Variants in SNAP29 observed in about 807,000 individuals in gnomAD.
SNAP29 encodes synaptosomal-associated protein 29.
In SNAP29, 13 loss-of-function variants were observed where a neutral mutation model predicts 27.9. The observed-to-expected ratio is 0.47, with a 90% confidence interval of 0.30 to 0.74. SNAP29 has a LOEUF of 0.74. Ranked by LOEUF, SNAP29 falls within the 30% of genes least tolerant of loss-of-function variation. The pLI is 0.06. For missense variants in SNAP29, 368 were observed against 336.5 expected (o/e 1.09, Z -0.73); for synonymous variants, 119 against 127.1 (o/e 0.94, Z 0.43).
chr22:20,862,777 AT>A (rs1404968453), intron 1 of SNAP29, among the ~76,000 whole-genome samples: 10 of 152,086 alleles, frequency 6.6e-5, no homozygotes, highest in African/African-American at 2.4e-4. Flanking sequence ...ACATGTTGGA[AT>A]TTTCCAGGAT....
At chr22:20,882,968 C>T (rs898732111) in intron 3 of SNAP29, among the ~76,000 whole-genome samples, 27 of 148,346 alleles carry the variant, frequency 1.8e-4, no homozygotes, top group African/African-American at 6.5e-4. Flanking sequence ...AGGAAGATTT[C>T]TTGTGGCAAA....
chr22:20,865,373 G>A (rs1207733711), intron 1 of SNAP29, among the ~76,000 whole-genome samples: 1 of 151,880 alleles, frequency 6.6e-6, no homozygotes, highest in Non-Finnish European at 1.5e-5. Context: ...AAAAGAATTA[G>A]ACCATTGATC....
rs1272914266 is a variant in SNAP29 at position 20,859,094 on chromosome 22, A to G, written c.-17A>G. The G allele has an allele frequency of 1.3e-6, 2 of 1,583,728 alleles. No individual in the cohort carries two copies. Among genetic ancestry groups the G allele is most frequent in the South Asian group, 1.1e-5 (1 of 88,920 alleles). ...GCTCCTCCTTCTGTTTCCCAGACCG[A>G]GAGCCGCGCCGGCACCATGTCAGCT... On this transcript the variant is annotated 5_prime_UTR_variant, in exon 1 of 5. Coordinates refer to ENST00000215730, the MANE Select transcript of SNAP29 (RefSeq NM_004782.4).
At chr22:20,874,412 A>G (rs990928807) in intron 2 of SNAP29, among the ~76,000 whole-genome samples, 3 of 147,720 alleles carry the variant, frequency 2.0e-5, no homozygotes, top group Non-Finnish European at 4.5e-5. Flanking sequence ...TTAGCCGGAC[A>G]TGGTGGTACG....
At chr22:20,878,939 C>T (rs1179734891) in intron 2 of SNAP29, among the ~76,000 whole-genome samples, 2 of 152,124 alleles carry the variant, frequency 1.3e-5, no homozygotes, top group African/African-American at 4.8e-5. Context: ...GGAGCAAAAT[C>T]AAAGATATTT....
In SNAP29 at chr22:20,878,571, A is replaced by AT. The variant is rs552754605; in HGVS notation, c.435-2477dup. ...CCAGCCTGGGTGACAGAGCGAGACT[A>AT]TGTCTCAAAAAAAAAAGGCAAGGCA... is the stretch of plus-strand genomic sequence containing the variant. On this transcript the variant is annotated intron_variant, in intron 2 of 4. Coordinates refer to ENST00000215730, the MANE Select transcript of SNAP29 (RefSeq NM_004782.4). Among the ~76,000 whole-genome samples the AT allele has an allele frequency of 9.9e-5, 15 of 151,448 alleles. No individual in the cohort carries two copies. In the South Asian group the frequency reaches 2.7e-3, roughly 27 times the overall value.
chr22:20,864,330 T>G (rs955616766), intron 1 of SNAP29, among the ~76,000 whole-genome samples: 1 of 152,152 alleles, frequency 6.6e-6, no homozygotes, highest in Non-Finnish European at 1.5e-5. Context: ...CACCGTCTCG[T>G]GCAGGGGCCC....
At chr22:20,872,820 CTTTTT>C (rs361677) in intron 2 of SNAP29, among the ~76,000 whole-genome samples, 48 of 39,868 alleles carry the variant, frequency 1.2e-3, no homozygotes, top group Non-Finnish European at 2.6e-4. Flanking sequence ...CCACGCCAGG[CTTTTT>C]TTTTTTTTTT....
At chr22:20,887,566 T>A (rs165877) in intron 4 of SNAP29, 113 bp from the exon 5 acceptor site, 1 of 1,098,052 alleles carries the variant, frequency 9.1e-7, no homozygotes. Context: ...GTGGGTGCAG[T>A]CCCCCCAGGC....
rs368158726 is a variant in SNAP29 at position 20,859,343 on chromosome 22, C to T, written c.233C>T (p.Ser78Phe). Residue 78 changes from serine (S) to phenylalanine (F), a missense_variant, in exon 1 of 5, where the codon TCC becomes TTC. Transcript: ENST00000215730. The stretch of plus-strand genomic sequence containing the variant: ...TCCGAGAAGGTTGGGGTCGCCTCTT[C>T]CGAGGTGAGCCTGGGGCAGGGCTGG... The part of the protein sequence containing the change: ...YESEKVGVAS[S>F]EELARQRGVL... 9 of 1,605,944 alleles carry T rather than the reference C, an allele frequency of 5.6e-6. No individual in the cohort carries two copies. Among genetic ancestry groups the T allele is most frequent in the South Asian group, 1.1e-5 (1 of 90,922 alleles).
intron 1 of SNAP29, among the ~76,000 whole-genome samples, chr22:20,866,100 C>T (rs568992749): frequency 7.9e-5 from 12 of 152,212 alleles, no homozygotes; most frequent in Non-Finnish European, 1.5e-4. Context: ...AGGCTAGGGC[C>T]ACACCTCTCT....
At chr22:20,885,912 T>C (rs1303291470) in intron 4 of SNAP29, among the ~76,000 whole-genome samples, 1 of 152,120 alleles carries the variant, frequency 6.6e-6, no homozygotes, top group Non-Finnish European at 1.5e-5. Context: ...TCAGGCAAGC[T>C]CTCTGGACTC....
At chr22:20,879,616 CG>C (rs1325719065) in intron 2 of SNAP29, among the ~76,000 whole-genome samples, 1 of 151,660 alleles carries the variant, frequency 6.6e-6, no homozygotes, top group African/African-American at 2.4e-5. Context: ...GAGGCTAAGG[CG>C]GGCGGATCAC....
Position 20,859,053 on chromosome 22 carries a change from C to A in SNAP29, c.-58C>A, listed in dbSNP as rs552560669. On this transcript the variant is annotated 5_prime_UTR_variant, in exon 1 of 5. Transcript: ENST00000215730. ...TCGGCGGGCGGGGCGAGGCCCTGGA[C>A]GGCGGCGGCAGTGGGGCTCCTCCTT... is the stretch of plus-strand genomic sequence containing the variant. 7.3e-5 allele frequency: 106 copies of A among 1,453,238 alleles called. No individual in the cohort carries two copies. The African/African-American group carries it at 1.2e-3, about 17-fold the overall frequency. The allele number at this position is 1,453,238 out of a possible 1,614,324, so 90.0% of individuals were successfully genotyped here.
chr22:20,887,402 T>TA (rs1444148201), intron 4 of SNAP29, among the ~76,000 whole-genome samples: 1 of 151,786 alleles, frequency 6.6e-6, no homozygotes, highest in Non-Finnish European at 1.5e-5. Context: ...CTGTTCCTAG[T>TA]AAAAAGGCAG....
intron 2 of SNAP29, among the ~76,000 whole-genome samples, chr22:20,873,253 C>T (rs1928640855): frequency 1.3e-5 from 2 of 151,986 alleles, no homozygotes; most frequent in African/African-American, 4.8e-5. Flanking sequence ...TCAAGCAGTC[C>T]TCCCACCTCG....
rs937926697 is a variant in SNAP29, at chr22:20,877,140, T to G, written c.435-3909T>G. On this transcript the variant is annotated intron_variant, in intron 2 of 4. Transcript: ENST00000215730. Reference sequence around the variant, plus strand: ...TCAGTCTCCCTAGAAATTGGCTTTCTTGGCTGAGCGTGGTGGCTCACGCCT... The same window carrying G: ...TCAGTCTCCCTAGAAATTGGCTTTCGTGGCTGAGCGTGGTGGCTCACGCCT... Among the ~76,000 whole-genome samples, 3 of 152,220 alleles carry G rather than the reference T, an allele frequency of 2.0e-5. No individual in the cohort carries two copies. In the East Asian group the frequency reaches 5.8e-4, roughly 29 times the overall value.
Position 20,870,518 on chromosome 22 carries a change from C to A in SNAP29, c.419C>A (p.Ser140Tyr), listed in dbSNP as rs1452218651. ...TPPEQNGTLTSQPNNRLKEAI... is the reference protein window; with the variant it reads ...TPPEQNGTLTYQPNNRLKEAI... ...CCTGAACAGAATGGCACCCTCACCTCCCAGCCCAACAACAGGTGAGTGCAT... is the reference window on the plus strand; with the variant it reads ...CCTGAACAGAATGGCACCCTCACCTACCAGCCCAACAACAGGTGAGTGCAT... Residue 140 changes from serine to tyrosine, a missense_variant, in exon 2 of 5, where the codon TCC (serine) becomes TAC (tyrosine). Physicochemically the swap from Ser to Tyr is moderately radical, Grantham distance 144. Coordinates refer to ENST00000215730, the MANE Select transcript of SNAP29 (RefSeq NM_004782.4). The A allele has an allele frequency of 1.2e-6, 2 of 1,614,030 alleles. No homozygotes were observed.
rs362237 is a variant in SNAP29 at position 20,861,118 on chromosome 22, GT to G, written c.237+1789del. ...TCCCTCATTGATCCACCTCCCTGTG[GT>G]TTTTTTTTTTTTTTTTTGAGACAGA... On this transcript the variant is annotated intron_variant, in intron 1 of 4. Transcript: ENST00000215730. Among the ~76,000 whole-genome samples, 330 of 121,810 alleles carry G rather than the reference GT, an allele frequency of 2.7e-3. 1 individual carries two copies. The highest frequency in any genetic ancestry group is 8.7e-3 in the African/African-American group (268 of 30,920). The allele number at this position is 121,810 out of a possible 152,430, so 79.9% of individuals were successfully genotyped here. A position where few individuals can be genotyped will look rare whatever the true frequency, so the allele number is the denominator to read the frequency against.
Sources: allele counts gnomAD v4.1 joint callset (sites outside exome capture counted in the v4.1 genomes callset), GRCh38; gene constraint gnomAD v4.1.1; transcripts MANE v1.5; gene names NCBI Gene and HGNC (gene_info 2026-07-23, HGNC 2026-07-21).